The following LYST variants were observed in gnomAD, a reference collection of about 807,000 sequenced individuals.
LYST encodes the protein lysosomal-trafficking regulator.
A neutral mutation model predicts 413.6 loss-of-function variants in LYST; 192 were observed. The ratio of observed to expected loss-of-function variants is 0.46; its 90% CI spans 0.41 to 0.52. The LOEUF (loss-of-function observed/expected upper bound fraction) is 0.52, where lower values mean the gene tolerates loss of function less well. LYST is among the 20% of genes least tolerant of loss of function. The probability of loss-of-function intolerance (pLI) is 0.00; values close to 1 mark genes in which losing one functional copy is unlikely to be tolerated. For missense variants in LYST, 3,815 were observed against 4,499.9 expected, an observed-to-expected ratio of 0.85 and a Z score of 4.35; for synonymous variants, 1,525 against 1,567.3, an observed-to-expected ratio of 0.97 and a Z score of 0.64.
Position 235,820,447 on chromosome 1 carries a change from G to A in LYST, c.193-7386C>T, listed in dbSNP as rs139465313. On this transcript the variant is annotated intron_variant, in intron 3 of 52. Transcript: ENST00000389793. ...TTCAGTGGCACAATCATGGCTCACTGCAACCTCCACTGCCCAGGCTCAGGC... is the reference window on the plus strand; with the variant it reads ...TTCAGTGGCACAATCATGGCTCACTACAACCTCCACTGCCCAGGCTCAGGC... Among the ~76,000 whole-genome samples the A allele has an allele frequency of 1.0e-3, 155 of 151,626 alleles. 1 individual carries two copies. In the East Asian group the frequency reaches 0.027, roughly 27 times the overall value.
chr1:235,754,229 C>CTTTTTTTTTTTTTT (rs71576486), intron 25 of LYST, among the ~76,000 whole-genome samples: 5 of 86,554 alleles, frequency 5.8e-5, no homozygotes, highest in Non-Finnish European at 1.3e-4. Flanking sequence ...CTTTTCTTTT[C>CTTTTTTTTTTTTTT]TTTTTTTTTT....
Position 235,808,626 on chromosome 1 carries a change from T to A in LYST, c.2192A>T (p.Tyr731Phe), listed in dbSNP as rs773738216. 6.2e-7 allele frequency: 1 copy of A among 1,613,764 alleles called. No homozygotes were observed. The highest frequency in any genetic ancestry group is 1.3e-5 in the African/African-American group (1 of 75,050). The change falls in exon 5 of 53, where the codon TAT (tyrosine) becomes TTT (phenylalanine). Residue 731 changes from tyrosine (Y) to phenylalanine (F), a missense_variant. By Grantham distance (22) the Tyr-to-Phe change is conservative (BLOSUM62 3). Transcript: ENST00000389793. ...GAGCACAGGATTAAATATGTAATTATATAATTTCCACTGAACAACTATATT... is the reference window on the plus strand; with the variant it reads ...GAGCACAGGATTAAATATGTAATTAAATAATTTCCACTGAACAACTATATT... ...KGNIVVQWKL[Y>F]NYIFNPVLQR...
intron 42 of LYST, among the ~76,000 whole-genome samples, chr1:235,713,808 A>G (rs1401250647): frequency 6.6e-6 from 1 of 152,246 alleles, no homozygotes; most frequent in Non-Finnish European, 1.5e-5. Context: ...ATCACTTGAA[A>G]CTAATGAGAT....
chr1:235,770,566 A>G (rs561102260), intron 19 of LYST, among the ~76,000 whole-genome samples: 1 of 152,328 alleles, frequency 6.6e-6, no homozygotes, highest in Admixed American at 6.5e-5. Flanking sequence ...TTTTCAAAAG[A>G]TGAATTATCA....
Position 235,805,802 on chromosome 1 carries a change from T to C in LYST, c.3334A>G (p.Ile1112Val), listed in dbSNP as rs1672769527. 1 of 1,613,540 alleles carries C rather than the reference T, an allele frequency of 6.2e-7. No individual in the cohort carries two copies. Among genetic ancestry groups the C allele is most frequent in the Non-Finnish European group, 8.5e-7 (1 of 1,179,782 alleles). ...CTAGTTCTGGCACCATGAAGACAAA[T>C]GGCCAGAAGGGCTTCCAAAAGTCGT... ...SIRLLEALLA[I>V]CLHGARTSQQ... Residue 1112 changes from isoleucine to valine, a missense_variant, in exon 6 of 53, where the codon ATT becomes GTT. This residue lies in a region of LYST where 1,648 missense variants were observed against 1,810.3 expected (regional missense o/e 0.91). Transcript: ENST00000389793.
chr1:235,859,078 A>G (rs898487146), intron 1 of LYST, among the ~76,000 whole-genome samples: 3 of 152,226 alleles, frequency 2.0e-5, no homozygotes, highest in Non-Finnish European at 2.9e-5. Context: ...CAATCTCAGC[A>G]GATAATCTTG....
Position 235,720,813 on chromosome 1 carries a change from A to G in LYST, c.9408T>C (p.Tyr3136=). 1.9e-6 allele frequency: 3 copies of G among 1,614,142 alleles called. No individual in the cohort carries two copies. Among genetic ancestry groups the G allele is most frequent in the Non-Finnish European group, 2.5e-6 (3 of 1,179,984 alleles). The change falls in exon 40 of 53, where the codon TAT becomes TAC. Residue 3136 remains tyrosine (Y), a synonymous_variant. Coordinates refer to ENST00000389793, the MANE Select transcript of LYST (RefSeq NM_000081.4). ...GNITALTNLW[Y]TGQITNFEYL... is the part of the protein sequence containing the mutation. ...ATTCAAAATTAGTAATTTGCCCAGT[A>G]TACCATAAATTTGTCAGAGCGGTGA...
chr1:235,787,314 T>C lies in LYST; in HGVS notation c.4748A>G (p.Gln1583Arg), dbSNP rs1670528639. Residue 1583 changes from glutamine (Q) to arginine (R), a missense_variant, in exon 14 of 53, where the codon CAG becomes CGG. Coordinates refer to ENST00000389793, the MANE Select transcript of LYST (RefSeq NM_000081.4). ...KAVLLAQVES[Q>R]ENIFLPSKWQ... ...TTTGCTTGGGAGGAAAATATTCTCC[T>C]GTGATTCAACCTGTGCTAGTAAAAC... 1.9e-6 allele frequency: 3 copies of C among 1,613,420 alleles called. No homozygotes were observed. The highest frequency in any genetic ancestry group is 2.5e-6 in the Non-Finnish European group (3 of 1,179,558).
chr1:235,840,433 G>A (rs1206055981), intron 1 of LYST, among the ~76,000 whole-genome samples: 1 of 152,184 alleles, frequency 6.6e-6, no homozygotes, highest in Non-Finnish European at 1.5e-5. Context: ...GCAAAGACCA[G>A]ATGGTGAAAG....
At chr1:235,857,362 T>C (rs1679306776) in intron 1 of LYST, among the ~76,000 whole-genome samples, 1 of 152,152 alleles carries the variant, frequency 6.6e-6, no homozygotes, top group South Asian at 2.1e-4. Context: ...GATATTGCCC[T>C]GAAATATCAT....
At chr1:235,874,438 C>T (rs1480268877) in intron 1 of LYST, among the ~76,000 whole-genome samples, 4 of 152,128 alleles carry the variant, frequency 2.6e-5, no homozygotes, top group East Asian at 1.9e-4. Flanking sequence ...TGGAGCAGCG[C>T]GGAGGGACAC....
intron 1 of LYST, among the ~76,000 whole-genome samples, chr1:235,874,842 G>A (rs186332797): frequency 5.9e-5 from 9 of 152,182 alleles, no homozygotes; most frequent in South Asian, 2.1e-4. Flanking sequence ...TATTTGTATG[G>A]GCGTGTGTGT....
intron 50 of LYST, among the ~76,000 whole-genome samples, chr1:235,668,561 T>C (rs1353261787): frequency 1.3e-5 from 2 of 152,298 alleles, no homozygotes; most frequent in Admixed American, 6.5e-5. Context: ...GAGTTGGTAA[T>C]TGCAGAAAAA....
intron 48 of LYST, among the ~76,000 whole-genome samples, chr1:235,683,496 T>C (rs1659989717): frequency 6.6e-6 from 1 of 152,238 alleles, no homozygotes. Context: ...TACAATCCCA[T>C]ATAACGAGTC....
At chr1:235,859,865 C>T (rs1679657561) in intron 1 of LYST, among the ~76,000 whole-genome samples, 1 of 152,162 alleles carries the variant, frequency 6.6e-6, no homozygotes, top group African/African-American at 2.4e-5. Flanking sequence ...TGGGAATGTA[C>T]TCTGTAAGTT....
chr1:235,792,879 G>T (rs57315260), intron 11 of LYST, among the ~76,000 whole-genome samples: 5,194 of 151,782 alleles, frequency 0.034, 276 homozygotes, highest in African/African-American at 0.12. Context: ...GGTCAGGCTG[G>T]TCTCGAACAC....
Position 235,744,079 on chromosome 1 carries a change from T to C in LYST, c.8051A>G (p.Glu2684Gly). The C allele has an allele frequency of 1.8e-5, 29 of 1,599,528 alleles. No individual in the cohort carries two copies. The highest frequency in any genetic ancestry group is 2.5e-5 in the Non-Finnish European group (29 of 1,166,950). ...ATGATGAATATTTTCCTCAGAAATT[T>C]CGGTCTGGAAAACTGAGGTCTTGCT... ...TQSKTSVFQT[E>G]ISEENIHHEQ... Residue 2684 changes from glutamate to glycine, a missense_variant, in exon 30 of 53, where the codon GAA becomes GGA. Coordinates refer to ENST00000389793, the MANE Select transcript of LYST (RefSeq NM_000081.4).
rs777122772 is a variant in LYST at position 235,758,999 on chromosome 1, T to C, written c.6854A>G (p.Asn2285Ser). 10 of 1,614,052 alleles carry C rather than the reference T, an allele frequency of 6.2e-6. No individual in the cohort carries two copies. Among genetic ancestry groups the C allele is most frequent in the Non-Finnish European group, 7.6e-6 (9 of 1,179,974 alleles). Residue 2285 changes from asparagine (N) to serine (S), a missense_variant, in exon 23 of 53, where the codon AAT becomes AGT. This residue lies in a region of LYST where 771 missense variants were observed against 837.1 expected (regional missense o/e 0.92). Transcript: ENST00000389793. ...GTGAGCACTTGCAGTTCGGTTGTAA[T>C]TTGGCTCATAACCAAGAGAATAGGC... The part of the protein sequence containing the change: ...NFAYSLGYEP[N>S]YNRTASAHSV...
At chr1:235,861,687 G>A (rs1288368479) in intron 1 of LYST, among the ~76,000 whole-genome samples, 1 of 152,092 alleles carries the variant, frequency 6.6e-6, no homozygotes, top group Non-Finnish European at 1.5e-5. Context: ...TAGAGATGAC[G>A]TGTTGCTGTG....
Sources: allele counts gnomAD v4.1 joint callset (sites outside exome capture counted in the v4.1 genomes callset), GRCh38; gene constraint gnomAD v4.1.1; regional missense constraint gnomAD v4.1.1; transcripts MANE v1.5; gene names NCBI Gene and HGNC (gene_info 2026-07-23, HGNC 2026-07-21).